The following PCLO variants were observed in gnomAD, a reference collection of about 807,000 sequenced individuals.
PCLO encodes protein piccolo.
A neutral mutation model predicts 427.5 loss-of-function variants in PCLO; 82 were observed. That is an observed-to-expected ratio of 0.19 (90% CI 0.16 to 0.23). The LOEUF (loss-of-function observed/expected upper bound fraction) is 0.23. PCLO is among the 10% of genes least tolerant of loss of function. The pLI is 1.00. For synonymous variants in PCLO, 2,357 were observed against 2,155.4 expected, an observed-to-expected ratio of 1.09 and a Z score of -2.59; for missense variants, 6,239 against 6,115.9, an observed-to-expected ratio of 1.02 and a Z score of -0.67.
intron 9 of PCLO, among the ~76,000 whole-genome samples, chr7:82,888,623 T>G (rs2116102038): frequency 6.6e-6 from 1 of 152,256 alleles, no homozygotes; most frequent in South Asian, 2.1e-4. Flanking sequence ...AAAAAAAGAC[T>G]TAATAAACGA....
At chr7:82,764,260 A>T (rs1790487882) in intron 22 of PCLO, among the ~76,000 whole-genome samples, 1 of 151,984 alleles carries the variant, frequency 6.6e-6, no homozygotes, top group South Asian at 2.1e-4. Context: ...ATGGTCATGT[A>T]AGAGGAACAG....
chr7:83,038,515 G>A (rs899086043), intron 3 of PCLO, among the ~76,000 whole-genome samples: 21 of 151,798 alleles, frequency 1.4e-4, no homozygotes, highest in Non-Finnish European at 5.9e-5. Flanking sequence ...TCATTTGTGT[G>A]GCATAATGTT....
At chr7:82,830,679 GT>G (rs1792072502) in intron 16 of PCLO, among the ~76,000 whole-genome samples, 1 of 152,028 alleles carries the variant, frequency 6.6e-6, no homozygotes, top group Admixed American at 6.6e-5. Flanking sequence ...ATAAAATTAT[GT>G]TTTTTAAGTT....
In PCLO at chr7:83,135,654, T is replaced by C. The variant is rs1248144773; in HGVS notation, c.1896A>G (p.Val632=). ...GACAGTTCAAACAGAGCCACTCTTT[T>C]ACCTACAAATAATATAAAACAATGG... The part of the protein sequence containing the change: ...GFNPNPHLTE[V]KEWLCLNCQM... Residue 632 remains valine (V), a splice_region_variant and synonymous_variant, in exon 3 of 25, where the codon GTA becomes GTG. Coordinates refer to ENST00000333891, the MANE Select transcript of PCLO (RefSeq NM_033026.6). 3 of 1,566,014 alleles carry C rather than the reference T, an allele frequency of 1.9e-6. No homozygotes were observed. Among genetic ancestry groups the C allele is most frequent in the Admixed American group, 2.0e-5 (1 of 51,276 alleles).
intron 6 of PCLO, among the ~76,000 whole-genome samples, chr7:82,925,788 T>C (rs997324011): frequency 6.2e-5 from 9 of 145,622 alleles, no homozygotes; most frequent in Non-Finnish European, 1.2e-4. Flanking sequence ...GGTGCGGTCA[T>C]GGCTCATCAC....
At chr7:83,048,496 C>T (rs1789156036) in intron 3 of PCLO, among the ~76,000 whole-genome samples, 1 of 152,000 alleles carries the variant, frequency 6.6e-6, no homozygotes, top group Non-Finnish European at 1.5e-5. Flanking sequence ...CGGTTTCATC[C>T]ACACCCCAGG....
intron 4 of PCLO, among the ~76,000 whole-genome samples, chr7:82,964,647 T>G (rs1478420589): frequency 6.6e-6 from 1 of 152,084 alleles, no homozygotes; most frequent in Non-Finnish European, 1.5e-5. Context: ...CACAGAAAGT[T>G]TCACAAAGGG....
At chr7:82,849,957 A>C (rs1461209381) in intron 10 of PCLO, among the ~76,000 whole-genome samples, 2 of 152,102 alleles carry the variant, frequency 1.3e-5, no homozygotes, top group African/African-American at 4.8e-5. Context: ...GAAAGTACAC[A>C]GATGAGACTT....
chr7:82,864,495 G>C (rs1291261536), intron 10 of PCLO, among the ~76,000 whole-genome samples: 1 of 152,054 alleles, frequency 6.6e-6, no homozygotes, highest in Non-Finnish European at 1.5e-5. Context: ...ATTTTATTTG[G>C]ACTTAATTAA....
chr7:82,972,718 T>C (rs1795932573), intron 3 of PCLO, among the ~76,000 whole-genome samples: 1 of 152,080 alleles, frequency 6.6e-6, no homozygotes, highest in African/African-American at 2.4e-5. Context: ...TCAAGGAGAT[T>C]GGTACTATTA....
intron 3 of PCLO, among the ~76,000 whole-genome samples, chr7:83,096,861 ATATAT>A (rs1460979939): frequency 5.9e-5 from 5 of 84,436 alleles, no homozygotes; most frequent in Admixed American, 2.1e-4. Context: ...ATATATAAAA[ATATAT>A]TATATAATAT....
chr7:83,051,122 A>G (rs1789243623), intron 3 of PCLO, among the ~76,000 whole-genome samples: 1 of 152,164 alleles, frequency 6.6e-6, no homozygotes, highest in South Asian at 2.1e-4. Flanking sequence ...TAATGGTGAG[A>G]AACTAAGACA....
intron 3 of PCLO, among the ~76,000 whole-genome samples, chr7:83,085,385 A>G (rs1790206074): frequency 1.3e-5 from 2 of 152,170 alleles, no homozygotes; most frequent in Admixed American, 6.5e-5. Flanking sequence ...TTTACAGATG[A>G]GAAAACTGAG....
chr7:82,968,119 GC>G (rs1554364570), intron 3 of PCLO, among the ~76,000 whole-genome samples: 1 of 152,150 alleles, frequency 6.6e-6, no homozygotes, highest in Non-Finnish European at 1.5e-5. Flanking sequence ...CAATCTGTAA[GC>G]CATTATAATT....
In PCLO at chr7:82,906,603, T is replaced by C. The variant is rs116419201; in HGVS notation, c.13437+2274A>G. 7.9e-3 allele frequency among the ~76,000 whole-genome samples: 1,209 copies of C among 152,082 alleles called. 22 individuals are homozygous for C. Among genetic ancestry groups the C allele is most frequent in the African/African-American group, 0.026 (1,095 of 41,524 alleles). On this transcript the variant is annotated intron_variant, in intron 8 of 24. Transcript: ENST00000333891. ...AGAAAAAATGATAAAGAAAAACAAA[T>C]TATTGTCACAAAAGTCAGCACATTT...
chr7:82,974,303 T>C (rs1795968748), intron 3 of PCLO, among the ~76,000 whole-genome samples: 1 of 152,142 alleles, frequency 6.6e-6, no homozygotes, highest in South Asian at 2.1e-4. Flanking sequence ...GGAGAATCAT[T>C]TGAACCCAGG....
At chr7:83,036,271 C>T (rs1788792466) in intron 3 of PCLO, among the ~76,000 whole-genome samples, 1 of 152,104 alleles carries the variant, frequency 6.6e-6, no homozygotes, top group Non-Finnish European at 1.5e-5. Context: ...CTCCATTCCC[C>T]AGAGTTTCTG....
At chr7:83,114,392 T>C (rs1791080947) in intron 3 of PCLO, among the ~76,000 whole-genome samples, 1 of 151,868 alleles carries the variant, frequency 6.6e-6, no homozygotes, top group Non-Finnish European at 1.5e-5. Flanking sequence ...GATGTGGGGG[T>C]AGTGAAGAGC....
At chr7:82,907,282 T>C (rs1794214793) in intron 8 of PCLO, among the ~76,000 whole-genome samples, 1 of 152,036 alleles carries the variant, frequency 6.6e-6, no homozygotes, top group African/African-American at 2.4e-5. Flanking sequence ...TATCTTACTA[T>C]GATTTTGTTA....
Sources: gnomAD v4.1 joint callset for allele counts (sites outside exome capture counted in the v4.1 genomes callset) on GRCh38, gnomAD v4.1.1 for gene constraint, MANE v1.5 for transcripts, NCBI Gene and HGNC (gene_info 2026-07-23, HGNC 2026-07-21) for gene names.